The following PTPN12 variants were observed in gnomAD, a reference collection of about 807,000 sequenced individuals.
PTPN12 encodes the protein protein tyrosine phosphatase non-receptor type 12, also known as tyrosine-protein phosphatase non-receptor type 12.
In PTPN12, 29 loss-of-function variants were observed where a neutral mutation model predicts 97.6. That is an observed-to-expected ratio of 0.30 (90% CI 0.22 to 0.41). The LOEUF is 0.41. Among genes scored for constraint, PTPN12 ranks in the 10% least tolerant of loss-of-function variants. The pLI is 1.00. For missense variants in PTPN12, 819 were observed against 926.0 expected (o/e 0.88, Z 1.50); for synonymous variants, 327 against 300.4 (o/e 1.09, Z -0.91).
At chr7:77,624,157 C>A (rs1009233278) in intron 12 of PTPN12, among the ~76,000 whole-genome samples, 1 of 151,774 alleles carries the variant, frequency 6.6e-6, no homozygotes, top group Non-Finnish European at 1.5e-5. Context: ...GTCCCAGCTG[C>A]TTGGGAGGCT....
chr7:77,607,760 CT>C (rs1257100343), intron 9 of PTPN12, among the ~76,000 whole-genome samples: 1 of 125,110 alleles, frequency 8.0e-6, no homozygotes, highest in Non-Finnish European at 1.7e-5. Context: ...TTTTTTTTTT[CT>C]TTTTTTTCCG....
At chr7:77,628,086 T>C (rs1215557570) in intron 13 of PTPN12, among the ~76,000 whole-genome samples, 2 of 152,158 alleles carry the variant, frequency 1.3e-5, no homozygotes, top group Non-Finnish European at 2.9e-5. Flanking sequence ...TTCCTAAATG[T>C]TTAGTCATTT....
At chr7:77,622,409 T>A (rs546085906) in intron 12 of PTPN12, among the ~76,000 whole-genome samples, 9 of 152,314 alleles carry the variant, frequency 5.9e-5, no homozygotes, top group African/African-American at 2.2e-4. Flanking sequence ...TCCACTTTTC[T>A]CAGTCATTGG....
intron 13 of PTPN12, among the ~76,000 whole-genome samples, chr7:77,628,658 C>T (rs1367369183): frequency 6.6e-6 from 1 of 151,438 alleles, no homozygotes; most frequent in Non-Finnish European, 1.5e-5. Context: ...TCGGCTCAGC[C>T]TCCCAAGTAG....
intron 6 of PTPN12, among the ~76,000 whole-genome samples, chr7:77,597,563 A>T (rs186618244): frequency 4.6e-5 from 7 of 152,198 alleles, no homozygotes; most frequent in African/African-American, 1.7e-4. Context: ...TTTAATTGAC[A>T]CATAGTATCT....
At chr7:77,564,761 T>TTTG in intron 1 of PTPN12, among the ~76,000 whole-genome samples, 2 of 103,076 alleles carry the variant, frequency 1.9e-5, no homozygotes, top group African/African-American at 7.1e-5. Flanking sequence ...TTTTTTTTTT[T>TTTG]TTTTTTTTTT....
intron 8 of PTPN12, among the ~76,000 whole-genome samples, chr7:77,604,209 C>CT (rs71082768): frequency 0.34 from 17,480 of 52,156 alleles, 4,368 homozygotes; most frequent in South Asian, 0.49. Flanking sequence ...TTTTTTCTTC[C>CT]TTTTTTTTTT....
rs1554326598 is a variant in PTPN12 at position 77,625,472 on chromosome 7, G to GCTTGCGCGCTCTCT, written c.1026-1231_1026-1230insTGCGCGCTCTCTCT. On this transcript the variant is annotated intron_variant, in intron 12 of 17. Transcript: ENST00000248594. ...TTTTGCCATATTGCCCAGGCTGCTC[G>GCTTGCGCGCTCTCT]CTCTCTCTCTCTCTCTCTCTCTCTC... is the stretch of plus-strand genomic sequence containing the variant. Among the ~76,000 whole-genome samples, 17 of 33,530 alleles carry GCTTGCGCGCTCTCT rather than the reference G, an allele frequency of 5.1e-4. 2 individuals are homozygous for GCTTGCGCGCTCTCT. The highest frequency in any genetic ancestry group is 2.3e-3 in the African/African-American group (17 of 7,530). 22.0% of individuals were successfully genotyped at this position (33,530 alleles called of 152,430 possible). A position where few individuals can be genotyped will look rare whatever the true frequency, so the allele number is the denominator to read the frequency against.
chr7:77,574,003 C>T (rs533246905), intron 2 of PTPN12, among the ~76,000 whole-genome samples: 37 of 152,296 alleles, frequency 2.4e-4, no homozygotes, highest in African/African-American at 8.2e-4. Context: ...TCAGGTCATC[C>T]GCCTCCCTTG....
intron 1 of PTPN12, among the ~76,000 whole-genome samples, chr7:77,547,020 A>T (rs1309533368): frequency 6.6e-6 from 1 of 152,206 alleles, no homozygotes; most frequent in African/African-American, 2.4e-5. Context: ...GAAGTGTGCT[A>T]ATATCTACAT....
At chr7:77,543,829 G>GA (rs1807099043) in intron 1 of PTPN12, among the ~76,000 whole-genome samples, 2 of 152,280 alleles carry the variant, frequency 1.3e-5, no homozygotes, top group Admixed American at 1.3e-4. Context: ...CCATGTTATA[G>GA]TATTGATCCG....
chr7:77,604,307 C>T (rs961478600), intron 8 of PTPN12, among the ~76,000 whole-genome samples: 1 of 145,122 alleles, frequency 6.9e-6, no homozygotes, highest in Non-Finnish European at 1.5e-5. Flanking sequence ...CCTCTGCCTC[C>T]TGGGTTCAAG....
intron 12 of PTPN12, 56 bp from the exon 13 acceptor site, chr7:77,626,649 A>G (rs746402244): frequency 6.0e-6 from 9 of 1,497,050 alleles, no homozygotes; most frequent in Non-Finnish European, 8.1e-6. Flanking sequence ...CATAATTCTC[A>G]GGTATCAACT....
intron 1 of PTPN12, among the ~76,000 whole-genome samples, chr7:77,541,603 C>G (rs532606790): frequency 2.4e-4 from 37 of 152,242 alleles, no homozygotes; most frequent in African/African-American, 8.4e-4. Flanking sequence ...AAAGTTTTGT[C>G]AGTTTATACA....
At chr7:77,637,948 T>A (rs1234971243) in intron 16 of PTPN12, among the ~76,000 whole-genome samples, 1 of 63,536 alleles carries the variant, frequency 1.6e-5, no homozygotes, top group Non-Finnish European at 3.6e-5. Context: ...TCTTAAAATT[T>A]TTTTTTTTTT....
intron 4 of PTPN12, among the ~76,000 whole-genome samples, chr7:77,584,832 G>A (rs1049278723): frequency 4.0e-5 from 6 of 151,272 alleles, no homozygotes; most frequent in Non-Finnish European, 5.9e-5. Flanking sequence ...AGCTGAGATA[G>A]CGCCACTGCA....
intron 2 of PTPN12, among the ~76,000 whole-genome samples, chr7:77,573,844 T>C (rs1037232921): frequency 1.1e-4 from 16 of 152,324 alleles, no homozygotes; most frequent in African/African-American, 3.8e-4. Context: ...CACTATAACC[T>C]CTGCCTACCA....
At chr7:77,551,464 C>T (rs1807476803) in intron 1 of PTPN12, among the ~76,000 whole-genome samples, 1 of 152,178 alleles carries the variant, frequency 6.6e-6, no homozygotes, top group Non-Finnish European at 1.5e-5. Context: ...ATTGTGTAAG[C>T]TGAGCAACTT....
chr7:77,639,394 AC>A lies in PTPN12; in HGVS notation c.*116del, dbSNP rs1278124730. The A allele has an allele frequency of 1.2e-6, 1 of 821,674 alleles. No individual in the cohort carries two copies. The highest frequency in any genetic ancestry group is 1.9e-6 in the Non-Finnish European group (1 of 530,184). The allele number at this position is 821,674 out of a possible 1,614,324, so 50.9% of individuals were successfully genotyped here. ...GGGACTAACAGCAGTGTAGATTGTT[AC>A]CTTAATATTTTTTGCTGGGACCATC... On this transcript the variant is annotated 3_prime_UTR_variant, in exon 18 of 18. Transcript: ENST00000248594.
Sources: allele counts gnomAD v4.1 joint callset (sites outside exome capture counted in the v4.1 genomes callset), GRCh38; gene constraint gnomAD v4.1.1; transcripts MANE v1.5; gene names NCBI Gene and HGNC (gene_info 2026-07-23, HGNC 2026-07-21).